The following SLC24A3 variants were observed in gnomAD, a reference collection of about 807,000 sequenced individuals.
SLC24A3 encodes the protein solute carrier family 24 member 3, also known as sodium/potassium/calcium exchanger 3.
A neutral mutation model predicts 75.8 loss-of-function variants in SLC24A3; 28 were observed. The ratio of observed to expected loss-of-function variants is 0.37; its 90% CI spans 0.27 to 0.51. SLC24A3 has a LOEUF of 0.51. Ranked by LOEUF, SLC24A3 falls within the 20% of genes least tolerant of loss-of-function variation. The pLI is 0.94. For missense variants in SLC24A3, 663 were observed against 847.8 expected, an observed-to-expected ratio of 0.78 and a Z score of 2.71; for synonymous variants, 372 against 334.1, an observed-to-expected ratio of 1.11 and a Z score of -1.24.
intron 3 of SLC24A3, among the ~76,000 whole-genome samples, chr20:19,570,987 T>A (rs1443875116): frequency 1.3e-5 from 2 of 151,862 alleles, no homozygotes; most frequent in Non-Finnish European, 2.9e-5. Flanking sequence ...CTGGTAGAGG[T>A]TAGAGCTGTA....
intron 6 of SLC24A3, among the ~76,000 whole-genome samples, chr20:19,606,369 C>A (rs1036793139): frequency 2.0e-5 from 3 of 152,130 alleles, no homozygotes; most frequent in Admixed American, 1.3e-4. Flanking sequence ...CAGGCAGTGC[C>A]CATAGAGATA....
chr20:19,523,733 A>G (rs556076591), intron 3 of SLC24A3, among the ~76,000 whole-genome samples: 1 of 152,300 alleles, frequency 6.6e-6, no homozygotes, highest in East Asian at 1.9e-4. Flanking sequence ...CAGTTTCCTC[A>G]TCTGTCACAG....
rs2031196930 is a variant in SLC24A3 at position 19,580,021 on chromosome 20, C to T, written c.370C>T (p.Leu124=). The T allele has an allele frequency of 1.2e-6, 2 of 1,613,582 alleles. No individual in the cohort carries two copies. The highest frequency in any genetic ancestry group is 1.7e-6 in the Non-Finnish European group (2 of 1,179,618). ...VLCAIYMFYA[L]AIVCDDFFVP... Reference sequence around the variant, plus strand: ...CCAGGCCATATACATGTTCTATGCGCTGGCCATTGTGTGTGATGACTTCTT... The same window carrying T: ...CCAGGCCATATACATGTTCTATGCGTTGGCCATTGTGTGTGATGACTTCTT... The change falls in exon 4 of 17, where the codon CTG becomes TTG. Residue 124 remains leucine (L), a synonymous_variant. Transcript: ENST00000328041.
In SLC24A3 at chr20:19,637,991, G is replaced by A. The variant is rs368389920; in HGVS notation, c.613-16071G>A. Among the ~76,000 whole-genome samples the A allele has an allele frequency of 2.2e-4, 34 of 152,018 alleles. 1 individual carries two copies. The highest frequency in any genetic ancestry group is 3.3e-4 in the Admixed American group (5 of 15,258). On this transcript the variant is annotated intron_variant, in intron 6 of 16. Coordinates refer to ENST00000328041, the MANE Select transcript of SLC24A3 (RefSeq NM_020689.4). Reference sequence around the variant, plus strand: ...TAAATTTTATTTACATGTGCAGAACGTGCAGGTTTGTTACATAGGTAAAGT... The same window carrying A: ...TAAATTTTATTTACATGTGCAGAACATGCAGGTTTGTTACATAGGTAAAGT...
chr20:19,526,930 G>T (rs964713307), intron 3 of SLC24A3, among the ~76,000 whole-genome samples: 1 of 152,132 alleles, frequency 6.6e-6, no homozygotes, highest in African/African-American at 2.4e-5. Flanking sequence ...GGCCATTGTC[G>T]TTATTTTTAT....
intron 2 of SLC24A3, among the ~76,000 whole-genome samples, chr20:19,294,618 A>T (rs1283637892): frequency 1.3e-5 from 2 of 152,046 alleles, no homozygotes; most frequent in South Asian, 4.1e-4. Flanking sequence ...ACACTATCTC[A>T]TTCCTTTTTA....
intron 1 of SLC24A3, among the ~76,000 whole-genome samples, chr20:19,214,108 C>T (rs971126210): frequency 2.2e-4 from 34 of 152,180 alleles, no homozygotes; most frequent in African/African-American, 7.7e-4. Context: ...GGATCTCCCC[C>T]AGCTTGGCTG....
chr20:19,451,590 T>C (rs1031151155), intron 2 of SLC24A3, among the ~76,000 whole-genome samples: 1 of 152,236 alleles, frequency 6.6e-6, no homozygotes, highest in African/African-American at 2.4e-5. Context: ...AGTGAATGAA[T>C]GAAAGGTTGA....
At chr20:19,370,080 A>C (rs1985965930) in intron 2 of SLC24A3, among the ~76,000 whole-genome samples, 1 of 152,072 alleles carries the variant, frequency 6.6e-6, no homozygotes, top group African/African-American at 2.4e-5. Context: ...ATTGTGCCTC[A>C]ATGAAAAGTT....
At chr20:19,419,471 G>A (rs1442869915) in intron 2 of SLC24A3, among the ~76,000 whole-genome samples, 1 of 151,890 alleles carries the variant, frequency 6.6e-6, no homozygotes, top group Admixed American at 6.6e-5. Flanking sequence ...AAAGGTTTTT[G>A]CAAGTGATGG....
Position 19,425,388 on chromosome 20 carries a change from CT to C in SLC24A3, c.272-90097del, listed in dbSNP as rs546759320. Among the ~76,000 whole-genome samples the C allele has an allele frequency of 1.9e-3, 291 of 152,084 alleles. 1 individual carries two copies. The highest frequency in any genetic ancestry group is 3.7e-3 in the Admixed American group (56 of 15,282). ...CCCGGCCTTTTTGTTGTTACTGTTG[CT>C]TTGTTTTTCTTGACATTATCATCCG... On this transcript the variant is annotated intron_variant, in intron 2 of 16. Coordinates refer to ENST00000328041, the MANE Select transcript of SLC24A3 (RefSeq NM_020689.4).
At chr20:19,489,720 TG>T (rs1988179227) in intron 2 of SLC24A3, among the ~76,000 whole-genome samples, 1 of 152,138 alleles carries the variant, frequency 6.6e-6, no homozygotes, top group African/African-American at 2.4e-5. Flanking sequence ...TGAGGATCTG[TG>T]GGTCCCGAAT....
intron 1 of SLC24A3, among the ~76,000 whole-genome samples, chr20:19,236,118 A>T (rs893865007): frequency 6.6e-6 from 1 of 152,196 alleles, no homozygotes; most frequent in African/African-American, 2.4e-5. Flanking sequence ...AATTCAACCA[A>T]CTTTTATTGG....
chr20:19,619,626 A>G (rs1482651397), intron 6 of SLC24A3, among the ~76,000 whole-genome samples: 2 of 152,202 alleles, frequency 1.3e-5, no homozygotes, highest in African/African-American at 4.8e-5. Context: ...CTCTCAGACA[A>G]GGCAATGTGG....
At chr20:19,504,776 G>A (rs1988438794) in intron 2 of SLC24A3, among the ~76,000 whole-genome samples, 1 of 152,224 alleles carries the variant, frequency 6.6e-6, no homozygotes, top group Admixed American at 6.5e-5. Flanking sequence ...GCACACCACA[G>A]GGAATTTACC....
chr20:19,436,123 G>A (rs16980572), intron 2 of SLC24A3, among the ~76,000 whole-genome samples: 4,162 of 152,222 alleles, frequency 0.027, 163 homozygotes, highest in East Asian at 0.1. Context: ...CTTGGCACAT[G>A]TCAGTTGATT....
chr20:19,266,116 T>C (rs1198819861), intron 1 of SLC24A3: 2 of 152,258 alleles, frequency 1.3e-5, no homozygotes, highest in African/African-American at 2.4e-5. Context: ...TGGAGTTTTA[T>C]TGAATCTCTC....
At chr20:19,593,924 C>A (rs1474696974) in intron 6 of SLC24A3, among the ~76,000 whole-genome samples, 1 of 152,158 alleles carries the variant, frequency 6.6e-6, no homozygotes, top group Non-Finnish European at 1.5e-5. Context: ...TCCTGCTGGA[C>A]CCCGGCCATT....
chr20:19,377,406 G>A (rs1435755613), intron 2 of SLC24A3, among the ~76,000 whole-genome samples: 1 of 152,136 alleles, frequency 6.6e-6, no homozygotes. Context: ...GCATGACTGT[G>A]TTACAAGCAC....
Sources: gnomAD v4.1 joint callset for allele counts (sites outside exome capture counted in the v4.1 genomes callset) on GRCh38, gnomAD v4.1.1 for gene constraint, MANE v1.5 for transcripts, NCBI Gene and HGNC (gene_info 2026-07-23, HGNC 2026-07-21) for gene names.